Variants in DGKB observed in about 807,000 individuals in gnomAD.
DGKB encodes diacylglycerol kinase beta.
DGKB carries 67 observed loss-of-function variants against 114.3 expected under a neutral mutation model. The ratio of observed to expected loss-of-function variants is 0.59; its 90% CI spans 0.48 to 0.72. The LOEUF is 0.72. DGKB is among the 30% of genes least tolerant of loss of function. DGKB has a pLI of 0.00. For missense variants in DGKB, 907 were observed against 975.2 expected (o/e 0.93, Z 0.93); for synonymous variants, 398 against 323.1 (o/e 1.23, Z -2.49).
chr7:14,851,678 G>C (rs1407086187), intron 1 of DGKB, among the ~76,000 whole-genome samples: 1 of 152,156 alleles, frequency 6.6e-6, no homozygotes, highest in Admixed American at 6.5e-5. Flanking sequence ...GTGATGCTCT[G>C]CATGTACATC....
intron 1 of DGKB, among the ~76,000 whole-genome samples, chr7:14,912,185 T>C (rs781548072): frequency 7.9e-5 from 12 of 152,178 alleles, no homozygotes; most frequent in Non-Finnish European, 1.6e-4. Context: ...TTCTAAAGTA[T>C]GCAAAGCTGT....
At chr7:14,310,844 C>T (rs1375034422) in intron 23 of DGKB, among the ~76,000 whole-genome samples, 1 of 152,090 alleles carries the variant, frequency 6.6e-6, no homozygotes, top group Non-Finnish European at 1.5e-5. Flanking sequence ...AATCCAAACT[C>T]AAATTAGGCC....
intron 1 of DGKB, among the ~76,000 whole-genome samples, chr7:14,923,684 T>C (rs2128248035): frequency 6.6e-6 from 1 of 152,242 alleles, no homozygotes; most frequent in East Asian, 1.9e-4. Flanking sequence ...AAAATCTTTT[T>C]AAACTCCTCT....
At chr7:14,665,768 T>C (rs1282299476) in intron 13 of DGKB, among the ~76,000 whole-genome samples, 1 of 151,990 alleles carries the variant, frequency 6.6e-6, no homozygotes, top group East Asian at 1.9e-4. Context: ...ATATGTGCAC[T>C]CTTAAAGAGC....
At chr7:14,359,710 T>C (rs1167384070) in intron 21 of DGKB, among the ~76,000 whole-genome samples, 1 of 152,008 alleles carries the variant, frequency 6.6e-6, no homozygotes, top group Non-Finnish European at 1.5e-5. Context: ...AACAGACACA[T>C]GAAAAAATGC....
chr7:14,459,029 G>A (rs1036968080), intron 21 of DGKB, among the ~76,000 whole-genome samples: 1 of 152,144 alleles, frequency 6.6e-6, no homozygotes, highest in African/African-American at 2.4e-5. Flanking sequence ...AGGGGCGTCC[G>A]CCATTACTGA....
At chr7:14,288,233 A>AT (rs1801189750) in intron 23 of DGKB, among the ~76,000 whole-genome samples, 1 of 78,050 alleles carries the variant, frequency 1.3e-5, no homozygotes, top group Admixed American at 1.3e-4. Flanking sequence ...TTTTTTTTTT[A>AT]ATTTTTTTTT....
intron 23 of DGKB, among the ~76,000 whole-genome samples, chr7:14,188,931 G>A (rs1783890004): frequency 6.6e-6 from 1 of 152,016 alleles, no homozygotes; most frequent in Admixed American, 6.5e-5. Context: ...ATTATATAAA[G>A]CAAAGATATT....
At chr7:14,572,187 C>G (rs972088941) in intron 20 of DGKB, among the ~76,000 whole-genome samples, 2 of 151,932 alleles carry the variant, frequency 1.3e-5, no homozygotes, top group Non-Finnish European at 2.9e-5. Flanking sequence ...GGCGCGGTAG[C>G]TCATGCCTGT....
intron 17 of DGKB, among the ~76,000 whole-genome samples, chr7:14,599,515 C>A (rs1352906355): frequency 6.6e-6 from 1 of 152,172 alleles, no homozygotes; most frequent in Admixed American, 6.5e-5. Context: ...ACCTCCTCAT[C>A]TTCACATCTA....
intron 23 of DGKB, among the ~76,000 whole-genome samples, chr7:14,265,488 C>T (rs903635607): frequency 6.6e-6 from 1 of 151,984 alleles, no homozygotes; most frequent in Non-Finnish European, 1.5e-5. Flanking sequence ...ATTGTGTCTT[C>T]TACATCCCTT....
intron 4 of DGKB, among the ~76,000 whole-genome samples, chr7:14,741,780 G>C (rs73064722): frequency 2.0e-5 from 3 of 152,136 alleles, no homozygotes; most frequent in African/African-American, 7.2e-5. Context: ...TCACCTGTAA[G>C]GTTACTGTTG....
chr7:14,539,410 G>C (rs899722823), intron 20 of DGKB, among the ~76,000 whole-genome samples: 2 of 152,044 alleles, frequency 1.3e-5, no homozygotes, highest in African/African-American at 4.8e-5. Context: ...TTGTAAAGAT[G>C]AATAAAGCTT....
At chr7:14,153,184 C>A (rs928786921) in intron 25 of DGKB, among the ~76,000 whole-genome samples, 2 of 152,120 alleles carry the variant, frequency 1.3e-5, no homozygotes, top group East Asian at 3.9e-4. Context: ...TGGTTCAGCT[C>A]GTTGGTGATT....
At chr7:14,931,613 C>T (rs1785023610) in intron 1 of DGKB, among the ~76,000 whole-genome samples, 1 of 152,066 alleles carries the variant, frequency 6.6e-6, no homozygotes, top group Admixed American at 6.6e-5. Flanking sequence ...GTGGAACAGT[C>T]CCCATAGCCA....
intron 13 of DGKB, among the ~76,000 whole-genome samples, chr7:14,640,823 A>G (rs760582370): frequency 1.3e-5 from 2 of 152,248 alleles, no homozygotes; most frequent in Non-Finnish European, 2.9e-5. Flanking sequence ...CTGTTTCAGC[A>G]GGAATCATTA....
intron 23 of DGKB, among the ~76,000 whole-genome samples, chr7:14,256,456 AAAAT>A (rs3067645): frequency 0.67 from 101,636 of 151,218 alleles, 34,906 homozygotes; most frequent in East Asian, 0.99. Context: ...TTTCCATTCT[AAAAT>A]AAATATTTTA....
rs755496168 is a variant in DGKB, at chr7:14,672,935, C to T, written c.1128G>A (p.Val376=). The T allele has an allele frequency of 1.5e-5, 24 of 1,558,518 alleles. No homozygotes were observed. The highest frequency in any genetic ancestry group is 1.8e-5 in the Non-Finnish European group (21 of 1,147,354). The change falls in exon 13 of 26, where the codon GTG becomes GTA. Residue 376 remains valine (V), a synonymous_variant. Transcript: ENST00000402815. ...HILPPTTICP[V]VLTLPTSGVS... is the part of the protein sequence containing the mutation. ...ATGATAAGGAAAAACTCACCAGTACCACTGGACAGATTGTTGTGGGTGGTA... is the reference window on the plus strand; with the variant it reads ...ATGATAAGGAAAAACTCACCAGTACTACTGGACAGATTGTTGTGGGTGGTA...
chr7:14,356,439 G>T (rs1239708056), intron 21 of DGKB, among the ~76,000 whole-genome samples: 1 of 136,950 alleles, frequency 7.3e-6, no homozygotes, highest in Non-Finnish European at 1.5e-5. Flanking sequence ...TCGGCTCACT[G>T]CAAGCTCCGC....
Sources: allele counts gnomAD v4.1 joint callset (sites outside exome capture counted in the v4.1 genomes callset), GRCh38; gene constraint gnomAD v4.1.1; transcripts MANE v1.5; gene names NCBI Gene and HGNC (gene_info 2026-07-23, HGNC 2026-07-21).